Variants in MYH7B observed in about 807,000 individuals in gnomAD.
MYH7B encodes the protein myosin-7B.
MYH7B carries 205 observed loss-of-function variants against 234.5 expected under a neutral mutation model. The ratio of observed to expected loss-of-function variants is 0.87; its 90% CI spans 0.78 to 0.98. The LOEUF is 0.98. Among genes scored for constraint, MYH7B ranks in the 50% least tolerant of loss-of-function variants. The pLI, the probability that MYH7B is intolerant of heterozygous loss-of-function variation, is 0.00. For synonymous variants in MYH7B, 1,193 were observed against 1,105.0 expected, an observed-to-expected ratio of 1.08 and a Z score of -1.58; for missense variants, 2,652 against 2,633.4, an observed-to-expected ratio of 1.01 and a Z score of -0.15.
At chr20:34,996,424 GAGGCCCACCAAC>G in exon 29 of MYH7B, 1 of 1,613,528 alleles carries the variant, frequency 6.2e-7, no homozygotes, top group South Asian at 1.1e-5. Flanking sequence ...GGCGTTGCAG[GAGGCCCACCAAC>G]AGGCCCTGGG....
chr20:34,999,521 G>T, intron 36 of MYH7B, 50 bp from the exon 37 acceptor site: 5 of 1,551,324 alleles, frequency 3.2e-6, no homozygotes, highest in Non-Finnish European at 4.3e-6. Flanking sequence ...AGTGACCTGG[G>T]TGGGAGTACA....
In MYH7B at chr20:34,988,082, C is replaced by T. The variant is rs1383031711; in HGVS notation, c.1417-10C>T. 1 of 1,608,740 alleles carries T rather than the reference C, an allele frequency of 6.2e-7. No individual in the cohort carries two copies. Among genetic ancestry groups the T allele is most frequent in the Non-Finnish European group, 8.5e-7 (1 of 1,176,796 alleles). On this transcript the variant is annotated splice_polypyrimidine_tract_variant and intron_variant, in intron 18 of 44. Coordinates refer to ENST00000262873, the Ensembl canonical transcript of MYH7B. ...AGAGGTCTGCTGAGCCAGGCCCCTC[C>T]CTCTTGTAGTTCAACAGCTTCGAAC...
intron 19 of MYH7B, among the ~76,000 whole-genome samples, chr20:34,988,810 T>C (rs866722636): frequency 0.27 from 18,625 of 68,456 alleles, 1,390 homozygotes; most frequent in African/African-American, 0.33. Flanking sequence ...TTATCCCTTT[T>C]TTTTTTTTTT....
intron 2 of MYH7B, among the ~76,000 whole-genome samples, chr20:34,972,086 C>T (rs528141458): frequency 3.9e-5 from 6 of 152,324 alleles, no homozygotes; most frequent in Admixed American, 1.3e-4. Context: ...CAGCTCGCCC[C>T]GCTGCCTCCC....
At chr20:34,988,037 C>G in intron 18 of MYH7B, 55 bp from the exon 19 acceptor site, 11 of 1,583,768 alleles carry the variant, frequency 6.9e-6, no homozygotes, top group Non-Finnish European at 9.5e-6. Context: ...CCTCCCCGGG[C>G]CTCCCTTTCC....
At chr20:34,959,469 TTTTC>T (rs1207543049) in intron 2 of MYH7B, among the ~76,000 whole-genome samples, 7 of 141,904 alleles carry the variant, frequency 4.9e-5, no homozygotes, top group Non-Finnish European at 1.1e-4. Context: ...ATTTTATTTT[TTTTC>T]TTTCTTTCTT....
chr20:34,999,234 G>T lies in MYH7B; in HGVS notation c.4369G>T (p.Glu1457Ter). 6.2e-7 allele frequency: 1 copy of T among 1,609,952 alleles called. No individual in the cohort carries two copies. The highest frequency in any genetic ancestry group is 1.1e-5 in the South Asian group (1 of 90,418). Residue 1457 changes from glutamate (E) to a stop codon, truncating the protein, a stop_gained, in exon 36 of 45, where the codon GAA becomes TAA. Coordinates refer to ENST00000262873, the Ensembl canonical transcript of MYH7B. LOFTEE classifies it high-confidence loss of function. ...GCTGGACAAGAAGCAGCGGCACTTG[G>T]AACGGGCACTGGAGGAACGGCGGCG...
At chr20:34,957,552 C>A (rs1253818867) in intron 1 of MYH7B, among the ~76,000 whole-genome samples, 2 of 145,866 alleles carry the variant, frequency 1.4e-5, no homozygotes, top group South Asian at 4.3e-4. Flanking sequence ...TGCAGTGGCA[C>A]GATCTCAGCT....
chr20:34,974,139 C>T (rs533749256), intron 2 of MYH7B, among the ~76,000 whole-genome samples: 1 of 151,780 alleles, frequency 6.6e-6, no homozygotes, highest in African/African-American at 2.4e-5. Context: ...GTTGACCAGG[C>T]TGGTCTCAAA....
intron 3 of MYH7B, among the ~76,000 whole-genome samples, chr20:34,977,175 G>A (rs2147166620): frequency 6.8e-6 from 1 of 147,600 alleles, no homozygotes; most frequent in South Asian, 2.1e-4. Context: ...ATCTGTTCTT[G>A]GCCATTGCTC....
chr20:34,967,626 G>C (rs553817186), intron 2 of MYH7B, among the ~76,000 whole-genome samples: 1 of 152,208 alleles, frequency 6.6e-6, no homozygotes, highest in South Asian at 2.1e-4. Context: ...CACTCCACCA[G>C]GTTAGGTAAG....
At chr20:34,979,406 G>T in exon 6 of MYH7B, 1 of 1,613,518 alleles carries the variant, frequency 6.2e-7, no homozygotes, top group South Asian at 1.1e-5. Context: ...AGCGAGTCTG[G>T]GTGCCTGATG....
chr20:34,984,119 T>A, intron 10 of MYH7B, among the ~76,000 whole-genome samples: 1 of 152,312 alleles, frequency 6.6e-6, no homozygotes. Context: ...CAGAGCTAAG[T>A]CTCCTCATTT....
intron 2 of MYH7B, among the ~76,000 whole-genome samples, chr20:34,958,478 T>A (rs568595898): frequency 6.6e-6 from 1 of 152,304 alleles, no homozygotes; most frequent in Non-Finnish European, 1.5e-5. Flanking sequence ...TCCTTTTCTT[T>A]TTTTTGAGAT....
intron 2 of MYH7B, among the ~76,000 whole-genome samples, chr20:34,973,313 T>C (rs888881828): frequency 1.3e-5 from 2 of 152,244 alleles, no homozygotes; most frequent in African/African-American, 4.8e-5. Context: ...CGTGTTGATG[T>C]CTTCCTTGAG....
intron 1 of MYH7B, among the ~76,000 whole-genome samples, chr20:34,957,571 C>A (rs763060890): frequency 1.4e-5 from 2 of 146,828 alleles, no homozygotes; most frequent in African/African-American, 2.5e-5. Context: ...CTCACTGCAA[C>A]CTCCACTTCC....
chr20:34,982,702 A>G, intron 10 of MYH7B, 147 bp downstream of exon 10: 3 of 685,160 alleles, frequency 4.4e-6, no homozygotes, highest in Non-Finnish European at 7.0e-6. Context: ...CTGGTGGGGG[A>G]CTCTGGCCTG....
At position 34,988,264 on chromosome 20, in the gene MYH7B, T is replaced by G; in HGVS notation, c.1587+2T>G. The G allele has an allele frequency of 6.2e-7, 1 of 1,609,548 alleles. No homozygotes were observed. The highest frequency in any genetic ancestry group is 8.5e-7 in the Non-Finnish European group (1 of 1,176,634). ...CCTTGCATCGACCTCATCGAGAAGGTGGGTGCCGCGGCAAGGTCACTTTGA... is the reference window on the plus strand; with the variant it reads ...CCTTGCATCGACCTCATCGAGAAGGGGGGTGCCGCGGCAAGGTCACTTTGA... On this transcript the variant is annotated splice_donor_variant, in intron 19 of 44. Transcript: ENST00000262873. LOFTEE classifies it high-confidence loss of function.
intron 1 of MYH7B, among the ~76,000 whole-genome samples, chr20:34,957,158 G>A (rs1246909161): frequency 6.6e-6 from 1 of 152,192 alleles, no homozygotes; most frequent in Non-Finnish European, 1.5e-5. Flanking sequence ...AGGGCCTGAG[G>A]GTTGCAACAG....
Sources: allele counts gnomAD v4.1 joint callset (sites outside exome capture counted in the v4.1 genomes callset), GRCh38; gene constraint gnomAD v4.1.1; transcripts MANE v1.5; gene names NCBI Gene and HGNC (gene_info 2026-07-23, HGNC 2026-07-21).